RELN: variants seen among roughly 807,000 people sequenced by gnomAD.
RELN encodes the protein reelin.
In RELN, 108 loss-of-function variants were observed where a neutral mutation model predicts 427.6. That is an observed-to-expected ratio of 0.25 (90% CI 0.22 to 0.30). The LOEUF (loss-of-function observed/expected upper bound fraction) is 0.30. Ranked by LOEUF, RELN falls within the 10% of genes least tolerant of loss-of-function variation. The pLI is 1.00. For synonymous variants in RELN, 1,524 were observed against 1,513.4 expected, an observed-to-expected ratio of 1.01 and a Z score of -0.16; for missense variants, 3,715 against 4,302.8, an observed-to-expected ratio of 0.86 and a Z score of 3.82.
chr7:103,513,971 A>G (rs971113646), intron 50 of RELN: 3 of 152,222 alleles, frequency 2.0e-5, no homozygotes, highest in Non-Finnish European at 2.9e-5. Context: ...TACTTTTACA[A>G]GAAAATATGA....
chr7:103,503,893 T>TAAAAAAAAAAAAAAAAAAAAAAAAAA (rs71154347), intron 51 of RELN, among the ~76,000 whole-genome samples: 1 of 96,610 alleles, frequency 1.0e-5, no homozygotes, highest in African/African-American at 3.5e-5. Context: ...AATGTTCTTG[T>TAAAAAAAAAAAAAAAAAAAAAAAAAA]AAAAAAAAAA....
chr7:103,572,740 C>T (rs1013291150), intron 30 of RELN, among the ~76,000 whole-genome samples: 2 of 151,398 alleles, frequency 1.3e-5, no homozygotes, highest in Non-Finnish European at 2.9e-5. Flanking sequence ...GGGGCTAACA[C>T]GGTGAAACCC....
chr7:103,516,285 T>C (rs1829564781), intron 49 of RELN, among the ~76,000 whole-genome samples: 1 of 104,802 alleles, frequency 9.5e-6, no homozygotes, highest in Non-Finnish European at 1.7e-5. Context: ...TCACAAAGTA[T>C]CTTTTTTTTT....
chr7:103,874,977 C>G (rs1171291778), intron 2 of RELN, among the ~76,000 whole-genome samples: 1 of 146,336 alleles, frequency 6.8e-6, no homozygotes, highest in African/African-American at 2.4e-5. Context: ...GCTACAGTAA[C>G]CAAAACAGCA....
At chr7:103,531,794 C>T (rs1829945569) in intron 46 of RELN, among the ~76,000 whole-genome samples, 2 of 152,074 alleles carry the variant, frequency 1.3e-5, no homozygotes, top group Admixed American at 1.3e-4. Context: ...AACAAAAACC[C>T]AACAGATGCT....
At chr7:103,882,227 T>A (rs935306487) in intron 2 of RELN, among the ~76,000 whole-genome samples, 4 of 152,242 alleles carry the variant, frequency 2.6e-5, no homozygotes, top group Non-Finnish European at 4.4e-5. Flanking sequence ...ATCTCTATCA[T>A]AACTACAGTC....
chr7:103,962,987 C>A (rs6950228), intron 1 of RELN, among the ~76,000 whole-genome samples: 106,665 of 151,902 alleles, frequency 0.7, 38,070 homozygotes, highest in African/African-American at 0.83. Flanking sequence ...GTTGAGAAAA[C>A]GTCCAGCTTT....
chr7:103,847,112 A>G (rs1025494233), intron 2 of RELN, among the ~76,000 whole-genome samples: 3 of 152,230 alleles, frequency 2.0e-5, no homozygotes, highest in African/African-American at 7.2e-5. Context: ...ATAAAGACAC[A>G]TGCGCATGTA....
At chr7:103,513,200 C>T (rs1205013890) in intron 50 of RELN, 1 of 152,182 alleles carries the variant, frequency 6.6e-6, no homozygotes, top group Non-Finnish European at 1.5e-5. Context: ...GCTTGCATTG[C>T]TCAACTAACT....
intron 28 of RELN, among the ~76,000 whole-genome samples, chr7:103,581,496 T>C (rs1831129345): frequency 1.3e-5 from 2 of 151,946 alleles, no homozygotes; most frequent in Admixed American, 1.3e-4. Context: ...TGTGATGGGA[T>C]GAGAATTTGG....
At chr7:103,941,420 T>A (rs915613185) in intron 1 of RELN, among the ~76,000 whole-genome samples, 2 of 152,290 alleles carry the variant, frequency 1.3e-5, no homozygotes, top group Non-Finnish European at 2.9e-5. Flanking sequence ...TTTCTCCCCA[T>A]TCAGTCAAAC....
rs1176945076 is a variant in RELN at position 103,909,716 on chromosome 7, ATATTAAAT to A, written c.337+7351_337+7358del. On this transcript the variant is annotated intron_variant, in intron 2 of 64. Coordinates refer to ENST00000428762, the MANE Select transcript of RELN (RefSeq NM_005045.4). ...ATATATATTTAATATATATAAATAT[ATATTAAAT>A]ATATTTTTTAATATATATAAATATA... Among the ~76,000 whole-genome samples the A allele has an allele frequency of 4.2e-4, 13 of 30,782 alleles. 1 individual carries two copies. Among genetic ancestry groups the A allele is most frequent in the Admixed American group, 2.2e-3 (5 of 2,302 alleles). The allele number at this position is 30,782 out of a possible 152,430, so 20.2% of individuals were successfully genotyped here.
rs543689848 is a variant in RELN at position 103,620,373 on chromosome 7, C to T, written c.2703-8570G>A. Among the ~76,000 whole-genome samples the T allele has an allele frequency of 1.2e-4, 19 of 152,234 alleles. No individual in the cohort carries two copies. The South Asian group carries it at 2.5e-3, about 20-fold the overall frequency. On this transcript the variant is annotated intron_variant, in intron 20 of 64. Transcript: ENST00000428762. The surrounding 1 kb of genome is among the most constrained non-coding windows in gnomAD (Gnocchi z 4.1). ...GACTAACACAACTTCAATTCATCTC[C>T]GATCTCAGGCTATCCATAACTCCCT...
chr7:103,605,215 C>T (rs185545295), intron 22 of RELN, among the ~76,000 whole-genome samples: 25 of 152,298 alleles, frequency 1.6e-4, no homozygotes, highest in African/African-American at 5.3e-4. Flanking sequence ...GTTATTAGAA[C>T]ATTTTCAGCT....
chr7:103,983,494 G>C (rs1315575280), intron 1 of RELN, among the ~76,000 whole-genome samples: 1 of 152,146 alleles, frequency 6.6e-6, no homozygotes, highest in Non-Finnish European at 1.5e-5. Flanking sequence ...TCCTGCGTTT[G>C]AACAGTCATT....
chr7:103,922,690 A>G (rs1795642479), intron 1 of RELN, among the ~76,000 whole-genome samples: 1 of 152,198 alleles, frequency 6.6e-6, no homozygotes, highest in Non-Finnish European at 1.5e-5. Context: ...TCTATTAAAC[A>G]TTCCCCACGA....
At chr7:103,507,127 C>T (rs61517557) in intron 51 of RELN, among the ~76,000 whole-genome samples, 2 of 152,048 alleles carry the variant, frequency 1.3e-5, no homozygotes, top group East Asian at 1.9e-4. Flanking sequence ...ATCAACGAGA[C>T]AGAAAATTAA....
intron 8 of RELN, among the ~76,000 whole-genome samples, chr7:103,711,578 A>T (rs939531318): frequency 1.3e-5 from 2 of 152,210 alleles, no homozygotes; most frequent in African/African-American, 4.8e-5. Flanking sequence ...CTCAATTAAA[A>T]TATTTATATA....
chr7:103,883,311 C>G (rs761595779), intron 2 of RELN, among the ~76,000 whole-genome samples: 5 of 152,124 alleles, frequency 3.3e-5, no homozygotes, highest in Non-Finnish European at 7.3e-5. Context: ...TTATGACAAA[C>G]CCACAGCCAA....
Sources: gnomAD v4.1 joint callset for allele counts (sites outside exome capture counted in the v4.1 genomes callset) on GRCh38, gnomAD v4.1.1 for gene constraint, Gnocchi (gnomAD v3.1) non-coding constraint, MANE v1.5 for transcripts, NCBI Gene and HGNC (gene_info 2026-07-23, HGNC 2026-07-21) for gene names.